The following CLCN4 variants were observed in gnomAD, a reference collection of about 807,000 sequenced individuals.
CLCN4 encodes Cl-/H+ antiporter 4, also known as H(+)/Cl(-) exchange transporter 4.
Under a neutral mutation model 41.7 loss-of-function variants are expected in CLCN4, and 1 was observed. The ratio of observed to expected loss-of-function variants is 0.02; its 90% CI spans 0.01 to 0.11. CLCN4 has a LOEUF of 0.11. Among genes scored for constraint, CLCN4 ranks in the 10% least tolerant of loss-of-function variants. The pLI, the probability that CLCN4 is intolerant of heterozygous loss-of-function variation, is 1.00. For synonymous variants in CLCN4, 277 were observed against 285.8 expected, an observed-to-expected ratio of 0.97 and a Z score of 0.31; for missense variants, 287 against 661.0, an observed-to-expected ratio of 0.43 and a Z score of 6.20.
intron 2 of CLCN4, among the ~76,000 whole-genome samples, chrX:10,184,515 GTTT>G (rs1433785157): frequency 9.0e-6 from 1 of 111,547 alleles, no homozygotes; most frequent in East Asian, 2.8e-4. Flanking sequence ...GTTTTTCACA[GTTT>G]TGTGCTTTTT....
intron 11 of CLCN4, among the ~76,000 whole-genome samples, chrX:10,215,735 T>A (rs1191316258): frequency 8.9e-6 from 1 of 112,354 alleles, no homozygotes; most frequent in East Asian, 2.8e-4. Flanking sequence ...CTAATTTTGC[T>A]GAAACCCATT....
At chrX:10,217,454 C>T (rs1924755893) in intron 11 of CLCN4, among the ~76,000 whole-genome samples, 1 of 111,983 alleles carries the variant, frequency 8.9e-6, no homozygotes, top group African/African-American at 3.2e-5. Context: ...AGCACTTGCC[C>T]TCTCCTATTG....
At chrX:10,188,078 A>G (rs890045701) in intron 4 of CLCN4, among the ~76,000 whole-genome samples, 2 of 111,658 alleles carry the variant, frequency 1.8e-5, no homozygotes, top group African/African-American at 3.3e-5. Flanking sequence ...CACCATGCTC[A>G]GCTAATTTTT....
At chrX:10,208,877 A>C (rs1924463713) in intron 9 of CLCN4, among the ~76,000 whole-genome samples, 1 of 112,233 alleles carries the variant, frequency 8.9e-6, no homozygotes, top group South Asian at 3.7e-4. Context: ...AGAGCTAGGC[A>C]TCAAACCCAC....
chrX:10,166,753 A>C (rs1222360544), intron 2 of CLCN4, among the ~76,000 whole-genome samples: 1 of 112,368 alleles, frequency 8.9e-6, no homozygotes, highest in African/African-American at 3.2e-5. Flanking sequence ...TTATGGGAAG[A>C]AGTCTCTGGG....
At chrX:10,216,165 T>C (rs1459509540) in intron 11 of CLCN4, among the ~76,000 whole-genome samples, 1 of 112,264 alleles carries the variant, frequency 8.9e-6, no homozygotes, top group Non-Finnish European at 1.9e-5. Flanking sequence ...AGATCCAAGA[T>C]AGTATGGATC....
chrX:10,216,569 G>T (rs1198286618), intron 11 of CLCN4, among the ~76,000 whole-genome samples: 1 of 110,829 alleles, frequency 9.0e-6, no homozygotes, highest in Non-Finnish European at 1.9e-5. Flanking sequence ...TAGAGTTTCA[G>T]GGAAGAGTTA....
chrX:10,212,809 C>T lies in CLCN4; in HGVS notation c.1576+156C>T, dbSNP rs7065191. ...AAACCCCTAAATCACAATGGCTTAACGCACCAAGGCTATGTCTCGCTCACT... is the reference window on the plus strand; with the variant it reads ...AAACCCCTAAATCACAATGGCTTAATGCACCAAGGCTATGTCTCGCTCACT... On this transcript the variant is annotated intron_variant, in intron 10 of 12. Coordinates refer to ENST00000380833, the MANE Select transcript of CLCN4 (RefSeq NM_001830.4). Among the ~76,000 whole-genome samples, 20,174 of 102,472 alleles carry T rather than the reference C, an allele frequency of 0.2. 1,886 individuals carry two copies. The highest frequency in any genetic ancestry group is 0.38 in the South Asian group (778 of 2,057). The allele number at this position is 102,472 out of a possible 115,157, so 89.0% of individuals were successfully genotyped here. A position where few individuals can be genotyped will look rare whatever the true frequency, so the allele number is the denominator to read the frequency against.
At chrX:10,233,093 G>A (rs889982584) in intron 12 of CLCN4, among the ~76,000 whole-genome samples, 15 of 111,946 alleles carry the variant, frequency 1.3e-4, no homozygotes, top group African/African-American at 3.6e-4. Context: ...GTTTACTGCC[G>A]TAATAAACAA....
chrX:10,198,910 G>C (rs1924166397), intron 6 of CLCN4, among the ~76,000 whole-genome samples: 1 of 112,437 alleles, frequency 8.9e-6, no homozygotes, highest in Admixed American at 9.4e-5. Flanking sequence ...TAGAGAGTTT[G>C]AAGATGTAGT....
chrX:10,214,664 A>G (rs1376409740), intron 11 of CLCN4, among the ~76,000 whole-genome samples: 3 of 112,408 alleles, frequency 2.7e-5, no homozygotes, highest in African/African-American at 6.5e-5. Flanking sequence ...GCTGAAACCA[A>G]TTGCGTGAGA....
At chrX:10,232,399 T>C (rs1409869991) in intron 12 of CLCN4, among the ~76,000 whole-genome samples, 1 of 112,693 alleles carries the variant, frequency 8.9e-6, no homozygotes, top group African/African-American at 3.2e-5. Flanking sequence ...TTAGGTTTTC[T>C]GATTTCTTTT....
chrX:10,163,910 A>G (rs1420318050), intron 2 of CLCN4, among the ~76,000 whole-genome samples: 1 of 112,675 alleles, frequency 8.9e-6, no homozygotes, highest in Non-Finnish European at 1.9e-5. Flanking sequence ...GTAATAACAA[A>G]AAATGTCTCT....
At chrX:10,175,114 C>T (rs1923483677) in intron 2 of CLCN4, among the ~76,000 whole-genome samples, 1 of 111,543 alleles carries the variant, frequency 9.0e-6, no homozygotes, top group East Asian at 2.8e-4. Context: ...AGAGGAATGG[C>T]CGTGGGTCAG....
At chrX:10,208,910 G>C in intron 9 of CLCN4, among the ~76,000 whole-genome samples, 1 of 112,086 alleles carries the variant, frequency 8.9e-6, no homozygotes, top group Non-Finnish European at 1.9e-5. Flanking sequence ...CAGAACAGGT[G>C]GTGGTGACCA....
At chrX:10,196,774 T>G (rs1469904704) in intron 5 of CLCN4, among the ~76,000 whole-genome samples, 1 of 111,857 alleles carries the variant, frequency 8.9e-6, no homozygotes, top group Non-Finnish European at 1.9e-5. Context: ...GTGCGCCATA[T>G]TTTTATTCTT....
chrX:10,163,215 T>C (rs1050755303), intron 2 of CLCN4, among the ~76,000 whole-genome samples: 8 of 112,413 alleles, frequency 7.1e-5, no homozygotes, highest in African/African-American at 2.6e-4. Flanking sequence ...AGGGGTTTAG[T>C]GTGATGACGC....
At position 10,224,517 on chromosome X, in the gene CLCN4, T is replaced by A. The variant is rs1219432264; in HGVS notation, c.2192+3640T>A. On this transcript the variant is annotated intron_variant, in intron 12 of 12. Coordinates refer to ENST00000380833, the MANE Select transcript of CLCN4 (RefSeq NM_001830.4). ...GGAGCTTGTTATCTACTAAAGAACA[T>A]GGACATAATCCAGTTTAAGTGGTGC... 3.6e-5 allele frequency among the ~76,000 whole-genome samples: 4 copies of A among 110,218 alleles called. No homozygotes were observed. In the Admixed American group the frequency reaches 3.9e-4, roughly 11 times the overall value.
intron 12 of CLCN4, among the ~76,000 whole-genome samples, chrX:10,229,977 C>G (rs899876509): frequency 7.1e-5 from 8 of 112,512 alleles, no homozygotes; most frequent in African/African-American, 2.6e-4. Flanking sequence ...GCATCCACCC[C>G]CTCAAGCATT....
Sources: gnomAD v4.1 joint callset for allele counts (sites outside exome capture counted in the v4.1 genomes callset) on GRCh38, gnomAD v4.1.1 for gene constraint, MANE v1.5 for transcripts, NCBI Gene and HGNC (gene_info 2026-07-23, HGNC 2026-07-21) for gene names.